Variants in THBS3 observed in about 807,000 individuals in gnomAD.
The protein encoded by THBS3 is thrombospondin-3.
Under a neutral mutation model 118.3 loss-of-function variants are expected in THBS3, and 78 were observed. The observed-to-expected ratio is 0.66, with a 90% CI of 0.55 to 0.80. The LOEUF (loss-of-function observed/expected upper bound fraction) is 0.80. Among genes scored for constraint, THBS3 ranks in the 30% least tolerant of loss-of-function variants. The probability of loss-of-function intolerance (pLI) is 0.00; values close to 1 mark genes in which losing one functional copy is unlikely to be tolerated. For synonymous variants in THBS3, 427 were observed against 475.3 expected (o/e 0.90, Z 1.32); for missense variants, 1,057 against 1,247.4 (o/e 0.85, Z 2.30).
chr1:155,205,414 C>T, intron 2 of THBS3, 98 bp from the exon 3 acceptor site: 1 of 1,481,172 alleles, frequency 6.8e-7, no homozygotes, highest in Non-Finnish European at 9.1e-7. Flanking sequence ...TCTCTAGGGC[C>T]CCTATCCCTA....
intron 16 of THBS3, among the ~76,000 whole-genome samples, chr1:155,199,590 C>T (rs1669332332): frequency 6.6e-6 from 1 of 152,054 alleles, no homozygotes; most frequent in Admixed American, 6.6e-5. Context: ...CCTGTCTCTA[C>T]TGAAAATACA....
intron 21 of THBS3, chr1:155,196,812 A>T: frequency 1.8e-6 from 1 of 548,750 alleles, no homozygotes; most frequent in South Asian, 2.4e-5. Context: ...CTTCTGGAGA[A>T]CTGTAAAGGG....
At chr1:155,207,498 T>C (rs1438133144) in intron 1 of THBS3, among the ~76,000 whole-genome samples, 3 of 148,902 alleles carry the variant, frequency 2.0e-5, no homozygotes, top group Non-Finnish European at 4.4e-5. Context: ...TCCCAGACCC[T>C]AGGGTGCCTA....
Position 155,205,214 on chromosome 1 carries a change from C to T in THBS3, c.389G>A (p.Arg130Gln), listed in dbSNP as rs868432846. Residue 130 changes from arginine to glutamine, a missense_variant, in exon 3 of 23, where the codon CGA becomes CAA. Physicochemically the swap from Arg to Gln is conservative, Grantham distance 43 (BLOSUM62 1). Coordinates refer to ENST00000368378, the MANE Select transcript of THBS3 (RefSeq NM_007112.5). ...GGCAGGGCTGGGTCTGGAGGGACCT[C>T]GGAGTCGCAGGAGAACTGTGTGTGT... ...GRTHTVLLRL[R>Q]GPSRPSPALH... The T allele has an allele frequency of 3.7e-6, 6 of 1,614,060 alleles. No individual in the cohort carries two copies. The highest frequency in any genetic ancestry group is 2.7e-5 in the African/African-American group (2 of 74,938).
chr1:155,201,569 C>G lies in THBS3; in HGVS notation c.1177G>C (p.Gly393Arg). 2 of 1,613,582 alleles carry G rather than the reference C, an allele frequency of 1.2e-6. No homozygotes were observed. ...DPNSICTNTV[G>R]SFKCGPCRLG... The stretch of plus-strand genomic sequence containing the variant: ...CGGCAGGGACCACACTTGAAAGAGC[C>G]CTAAGAGTGGAGAGGCAGCATCTTA... The change falls in exon 11 of 23, where the codon GGC becomes CGC. Residue 393 changes from glycine (G) to arginine (R), a missense_variant and splice_region_variant. Coordinates refer to ENST00000368378, the MANE Select transcript of THBS3 (RefSeq NM_007112.5).
chr1:155,200,540 T>C lies in THBS3; in HGVS notation c.1619A>G (p.Asp540Gly), dbSNP rs745957973. 6.2e-7 allele frequency: 1 copy of C among 1,614,176 alleles called. No individual in the cohort carries two copies. The highest frequency in any genetic ancestry group is 8.5e-7 in the Non-Finnish European group (1 of 1,180,042). The change falls in exon 14 of 23, where the codon GAC (aspartate) becomes GGC (glycine). Residue 540 changes from aspartate to glycine, a missense_variant. By Grantham distance (94) the Asp-to-Gly change is moderately conservative (BLOSUM62 -1). Around this residue, in one of 3 missense-constraint regions of THBS3, gnomAD observed 544 missense variants for 715.6 expected, o/e 0.76. Transcript: ENST00000368378. ...ATTGTTGGGAACGTTGGGGCAATTGTCACAGGCATCACCAAATGAATCTGT... is the reference window on the plus strand; with the variant it reads ...ATTGTTGGGAACGTTGGGGCAATTGCCACAGGCATCACCAAATGAATCTGT... ...SDTDSFGDAC[D>G]NCPNVPNNDQ...
chr1:155,196,783 A>G (rs1668739703), intron 21 of THBS3: 2 of 503,772 alleles, frequency 4.0e-6, no homozygotes, highest in Non-Finnish European at 7.1e-6. Context: ...CCCTTCACAG[A>G]TTGGCCTGGG....
chr1:155,201,174 C>G lies in THBS3; in HGVS notation c.1360G>C (p.Val454Leu). 6.2e-7 allele frequency: 1 copy of G among 1,614,180 alleles called. No homozygotes were observed. The highest frequency in any genetic ancestry group is 8.5e-7 in the Non-Finnish European group (1 of 1,180,042). The change falls in exon 12 of 23, where the codon GTG becomes CTG. Residue 454 changes from valine to leucine, a missense_variant. Val to Leu is a conservative substitution (Grantham distance 32). Around this residue, in one of 3 missense-constraint regions of THBS3, gnomAD observed 544 missense variants for 715.6 expected, o/e 0.76. Coordinates refer to ENST00000368378, the MANE Select transcript of THBS3 (RefSeq NM_007112.5). ...TCGATGTCTGTGTCAGTCCCACACACGTTCCCATTCCCAGCCCAGCCCACG... is the reference window on the plus strand; with the variant it reads ...TCGATGTCTGTGTCAGTCCCACACAGGTTCCCATTCCCAGCCCAGCCCACG... The part of the protein sequence containing the change: ...CNVGWAGNGN[V>L]CGTDTDIDGY...
rs1571873585 is a variant in THBS3, at chr1:155,198,231, T to G, written c.2075-11A>C. 1.5e-5 allele frequency: 24 copies of G among 1,613,354 alleles called. No homozygotes were observed. The highest frequency in any genetic ancestry group is 2.0e-5 in the Non-Finnish European group (24 of 1,179,402). ...CACCAACGCCATTGCCTGGGCAGAGTGAGGCTGGGTGCTCAGGAAGGCCCT... is the reference window on the plus strand; with the variant it reads ...CACCAACGCCATTGCCTGGGCAGAGGGAGGCTGGGTGCTCAGGAAGGCCCT... On this transcript the variant is annotated splice_polypyrimidine_tract_variant and intron_variant, in intron 17 of 22. Coordinates refer to ENST00000368378, the MANE Select transcript of THBS3 (RefSeq NM_007112.5).
Position 155,206,151 on chromosome 1 carries a change from A to C in THBS3, c.286+49T>G. Reference sequence around the variant, plus strand: ...CACTTGGGAAGTAGGGATGAGGGAGAGTGCTTAAGGAGGTCACCATTGCAA... The same window carrying C: ...CACTTGGGAAGTAGGGATGAGGGAGCGTGCTTAAGGAGGTCACCATTGCAA... On this transcript the variant is annotated intron_variant, in intron 2 of 22. Coordinates refer to ENST00000368378, the MANE Select transcript of THBS3 (RefSeq NM_007112.5). The surrounding 1 kb of genome is among the most constrained non-coding windows in gnomAD (Gnocchi z 4.2). The C allele has an allele frequency of 1.3e-6, 2 of 1,594,178 alleles. No homozygotes were observed. Among genetic ancestry groups the C allele is most frequent in the Non-Finnish European group, 1.7e-6 (2 of 1,165,138 alleles).
chr1:155,197,312 CATGAA>C lies in THBS3; in HGVS notation c.2500-104_2500-100del. On this transcript the variant is annotated intron_variant, in intron 20 of 22. Coordinates refer to ENST00000368378, the MANE Select transcript of THBS3 (RefSeq NM_007112.5). This position sits in a 1 kb window ranked among gnomAD's most constrained non-coding sequence, Gnocchi z 5.0. ...AGGTGGGAAAGGGATTCAAGGCGGT[CATGAA>C]AATGCCCTGGGGCCCCAGAGAGCCG... 1 of 1,540,804 alleles carries C rather than the reference CATGAA, an allele frequency of 6.5e-7. No individual in the cohort carries two copies. The highest frequency in any genetic ancestry group is 1.2e-5 in the South Asian group (1 of 83,800).
rs749078098 is a variant in THBS3 at position 155,203,520 on chromosome 1, G to T, written c.666C>A (p.Ser222=). 4 of 1,613,648 alleles carry T rather than the reference G, an allele frequency of 2.5e-6. No individual in the cohort carries two copies. The East Asian group carries it at 6.7e-5, about 27-fold the overall frequency. The part of the protein sequence containing the change: ...IHSAVTNALH[S]ILGEQTKALV... ...TCAGTGTGGCCTACTCACCTAGAAT[G>T]GAGTGCAGTGCATTGGTCACTGGAG... The change falls in exon 5 of 23, where the codon TCC becomes TCA. Residue 222 remains serine, a synonymous_variant. Transcript: ENST00000368378.
upstream of THBS3, among the ~76,000 whole-genome samples, chr1:155,208,216 G>T (rs1203356833): frequency 6.6e-6 from 1 of 151,868 alleles, no homozygotes; most frequent in African/African-American, 2.4e-5. Flanking sequence ...ATTGTGGAAG[G>T]CAAGAACCCC....
chr1:155,199,687 G>A (rs907587917), intron 16 of THBS3, 117 bp downstream of exon 16: 13 of 1,021,102 alleles, frequency 1.3e-5, no homozygotes, highest in African/African-American at 8.0e-5. Context: ...CCTGGGAGAC[G>A]GAGGTTGCAG....
chr1:155,208,675 A>C, upstream of THBS3: 2 of 1,004,056 alleles, frequency 2.0e-6, no homozygotes, highest in East Asian at 2.8e-5. Flanking sequence ...ACAGCCTGCG[A>C]GCCTCTCTTC....
rs1393223697 is a variant in THBS3, at chr1:155,205,114, C to T, written c.489G>A (p.Ala163=). The T allele has an allele frequency of 5.0e-6, 8 of 1,614,020 alleles. No homozygotes were observed. In the East Asian group the frequency reaches 6.7e-5, roughly 13 times the overall value. ...GLPALAPIPP[A]EVDGLEIRTG... ...TCCTAATCTCCAGCCCATCGACCTCCGCTGGAGGAATGGGGGCCAGTGCTG... is the reference window on the plus strand; with the variant it reads ...TCCTAATCTCCAGCCCATCGACCTCTGCTGGAGGAATGGGGGCCAGTGCTG... The change falls in exon 3 of 23, where the codon GCG becomes GCA. Residue 163 remains alanine (A), a synonymous_variant. Coordinates refer to ENST00000368378, the MANE Select transcript of THBS3 (RefSeq NM_007112.5).
intron 2 of THBS3, chr1:155,205,567 C>G (rs2148021451): frequency 4.1e-6 from 2 of 486,126 alleles, no homozygotes; most frequent in East Asian, 3.6e-5. Context: ...CACTTGAGGT[C>G]AGAAGTTCGA....
Position 155,203,137 on chromosome 1 carries a change from C to G in THBS3, c.757G>C (p.Val253Leu). The G allele has an allele frequency of 6.2e-7, 1 of 1,614,238 alleles. No homozygotes were observed. Among genetic ancestry groups the G allele is most frequent in the Non-Finnish European group, 8.5e-7 (1 of 1,180,042 alleles). The change falls in exon 7 of 23, where the codon GTG becomes CTG. Residue 253 changes from valine (V) to leucine (L), a missense_variant and splice_region_variant. Coordinates refer to ENST00000368378, the MANE Select transcript of THBS3 (RefSeq NM_007112.5). ...TTTCGGATCAGGGACATTTCCTTCA[C>G]CTGGAGAAGGATGGGGAGGAGTCAG... ...VELRDDIRDQVKEMSLIRNTI... is the reference protein window; with the variant it reads ...VELRDDIRDQLKEMSLIRNTI...
At chr1:155,199,051 T>G (rs544886839) in intron 16 of THBS3, among the ~76,000 whole-genome samples, 1 of 146,344 alleles carries the variant, frequency 6.8e-6, no homozygotes, top group Admixed American at 6.9e-5. Context: ...ACCCTGGAGG[T>G]GGAGGTCGCA....
Sources: gnomAD v4.1 joint callset for allele counts (sites outside exome capture counted in the v4.1 genomes callset) on GRCh38, gnomAD v4.1.1 for gene constraint, gnomAD v4.1.1 regional missense constraint, Gnocchi (gnomAD v3.1) non-coding constraint, MANE v1.5 for transcripts, NCBI Gene and HGNC (gene_info 2026-07-23, HGNC 2026-07-21) for gene names.